The following SPAG1 variants were observed in gnomAD, a reference collection of about 807,000 sequenced individuals.
The protein encoded by SPAG1 is sperm associated antigen 1.
In SPAG1, 69 loss-of-function variants were observed where a neutral mutation model predicts 100.5. The observed-to-expected ratio is 0.69, with a 90% confidence interval of 0.57 to 0.84. SPAG1 has a LOEUF of 0.84. Ranked by LOEUF, SPAG1 falls within the 40% of genes least tolerant of loss-of-function variation. SPAG1 has a pLI of 0.00. For missense variants in SPAG1, 955 were observed against 1,133.1 expected (o/e 0.84, Z 2.26); for synonymous variants, 336 against 411.6 (o/e 0.82, Z 2.22).
intron 3 of SPAG1, among the ~76,000 whole-genome samples, chr8:100,168,421 C>G (rs1397734849): frequency 6.6e-6 from 1 of 151,976 alleles, no homozygotes; most frequent in Non-Finnish European, 1.5e-5. Context: ...TTATCAGATA[C>G]GTTGCTTTTT....
intron 2 of SPAG1, among the ~76,000 whole-genome samples, chr8:100,162,841 G>A (rs897751269): frequency 2.0e-5 from 3 of 152,184 alleles, no homozygotes; most frequent in Non-Finnish European, 4.4e-5. Flanking sequence ...ACCTTGGCCT[G>A]TAGTCCCAGC....
intron 16 of SPAG1, among the ~76,000 whole-genome samples, chr8:100,235,295 C>T (rs1264724552): frequency 4.6e-5 from 7 of 152,098 alleles, no homozygotes; most frequent in Admixed American, 4.6e-4. Context: ...CTTTAAAGGC[C>T]CTGTCTCCAA....
chr8:100,212,834 A>T (rs1263222972), intron 10 of SPAG1, among the ~76,000 whole-genome samples: 1 of 152,236 alleles, frequency 6.6e-6, no homozygotes, highest in Non-Finnish European at 1.5e-5. Context: ...GCGCTTAAAC[A>T]GTTAGAGACA....
chr8:100,221,468 T>A (rs550788015), intron 13 of SPAG1, among the ~76,000 whole-genome samples: 9 of 152,242 alleles, frequency 5.9e-5, no homozygotes, highest in Non-Finnish European at 1.3e-4. Context: ...ATAACATTTC[T>A]AGTTATGTAT....
intron 15 of SPAG1, 53 bp from the exon 16 acceptor site, chr8:100,233,356 TAC>T (rs1245504612): frequency 1.3e-4 from 202 of 1,600,794 alleles, no homozygotes; most frequent in Non-Finnish European, 1.6e-4. Context: ...GTCTAAAACT[TAC>T]AGATAGCCAA....
At position 100,234,709 on chromosome 8, in the gene SPAG1, T is replaced by G. The variant is rs115544197; in HGVS notation, c.2115+1172T>G. On this transcript the variant is annotated intron_variant, in intron 16 of 18. Coordinates refer to ENST00000388798, the MANE Select transcript of SPAG1 (RefSeq NM_003114.5). Reference sequence around the variant, plus strand: ...GAATAAGGCTGCTGTGACATTCTTGTGTACATTTTTAATGGATGGACTTGT... The same window carrying G: ...GAATAAGGCTGCTGTGACATTCTTGGGTACATTTTTAATGGATGGACTTGT... 6.5e-3 allele frequency among the ~76,000 whole-genome samples: 992 copies of G among 152,362 alleles called. 6 individuals carry two copies. The highest frequency in any genetic ancestry group is 0.022 in the African/African-American group (934 of 41,580).
chr8:100,165,969 T>C lies in SPAG1; in HGVS notation c.296T>C (p.Ile99Thr), dbSNP rs766347017. Residue 99 changes from isoleucine to threonine, a missense_variant, in exon 3 of 19, where the codon ATA (isoleucine) becomes ACA (threonine). Physicochemically the swap from Ile to Thr is moderately conservative, Grantham distance 89. Coordinates refer to ENST00000388798, the MANE Select transcript of SPAG1 (RefSeq NM_003114.5). ...AEEWEKIDGD[I>T]KSWVSEIKKE... ...GAATGGGAAAAAATTGATGGTGATA[T>C]AAAGGTATATAGTAATACCAATTTT... 2.5e-6 allele frequency: 4 copies of C among 1,611,984 alleles called. No individual in the cohort carries two copies. In the South Asian group the frequency reaches 4.4e-5, roughly 18 times the overall value.
chr8:100,206,607 G>A (rs1233925682), intron 10 of SPAG1, among the ~76,000 whole-genome samples: 1 of 151,970 alleles, frequency 6.6e-6, no homozygotes, highest in African/African-American at 2.4e-5. Flanking sequence ...CCTGGGTTCC[G>A]GTGGTATGGG....
At position 100,220,302 on chromosome 8, in the gene SPAG1, C is replaced by G. The variant is rs1818204833; in HGVS notation, c.1559C>G (p.Ser520Cys). 1 of 1,612,520 alleles carries G rather than the reference C, an allele frequency of 6.2e-7. No homozygotes were observed. Among genetic ancestry groups the G allele is most frequent in the African/African-American group, 1.3e-5 (1 of 74,814 alleles). ...AGGGCTCTGGAACTTCATCCATTCT[C>G]TATGAAACCTCTTCTGAGGCGGGCG... is the stretch of plus-strand genomic sequence containing the variant. ...CNRALELHPF[S>C]MKPLLRRAMA... The change falls in exon 13 of 19, where the codon TCT (serine) becomes TGT (cysteine). Residue 520 changes from serine to cysteine, a missense_variant. By Grantham distance (112) the Ser-to-Cys change is moderately radical. Coordinates refer to ENST00000388798, the MANE Select transcript of SPAG1 (RefSeq NM_003114.5).
At chr8:100,176,828 C>CCTCTCCT (rs1816143981) in intron 3 of SPAG1, among the ~76,000 whole-genome samples, 2 of 148,526 alleles carry the variant, frequency 1.3e-5, no homozygotes, top group African/African-American at 2.5e-5. Flanking sequence ...CCTCTCCTCT[C>CCTCTCCT]CTCTCCTCTC....
intron 3 of SPAG1, among the ~76,000 whole-genome samples, chr8:100,172,230 T>C (rs912572430): frequency 1.3e-5 from 2 of 152,204 alleles, no homozygotes; most frequent in African/African-American, 4.8e-5. Context: ...TTAAGAACTT[T>C]TCATTGGCTT....
intron 11 of SPAG1, 62 bp downstream of exon 11, chr8:100,213,490 G>C: frequency 7.9e-7 from 1 of 1,260,718 alleles, no homozygotes; most frequent in Non-Finnish European, 1.0e-6. Context: ...CCGACCTCCG[G>C]GGCCCCCGTG....
In SPAG1 at chr8:100,213,981, A is replaced by G; in HGVS notation, c.1535+63A>G. The G allele has an allele frequency of 3.3e-6, 3 of 910,074 alleles. No individual in the cohort carries two copies. In the South Asian group the frequency reaches 5.0e-5, roughly 15 times the overall value. The allele number at this position is 910,074 out of a possible 1,614,324, so 56.4% of individuals were successfully genotyped here. On this transcript the variant is annotated intron_variant, in intron 12 of 18. Transcript: ENST00000388798. Reference sequence around the variant, plus strand: ...ATAATTTCATTATGGTGAATGCAATATCCAAGATCCTAAATTTTCTGCCTA... The same window carrying G: ...ATAATTTCATTATGGTGAATGCAATGTCCAAGATCCTAAATTTTCTGCCTA...
chr8:100,176,562 A>G (rs897963972), intron 3 of SPAG1, among the ~76,000 whole-genome samples: 2 of 151,798 alleles, frequency 1.3e-5, no homozygotes, highest in Non-Finnish European at 2.9e-5. Flanking sequence ...ACGGGGTTTC[A>G]CCATGTTGGC....
At chr8:100,160,844 A>T (rs550075751) in intron 1 of SPAG1, among the ~76,000 whole-genome samples, 6 of 152,296 alleles carry the variant, frequency 3.9e-5, no homozygotes, top group Non-Finnish European at 7.4e-5. Flanking sequence ...ACATTAAAAA[A>T]TCTTAAAAAG....
Position 100,184,617 on chromosome 8 carries a change from T to C in SPAG1, c.596-11T>C. The C allele has an allele frequency of 6.7e-7, 1 of 1,490,416 alleles. No individual in the cohort carries two copies. The highest frequency in any genetic ancestry group is 9.1e-7 in the Non-Finnish European group (1 of 1,103,934). 92.3% of individuals were successfully genotyped at this position (1,490,416 alleles called of 1,614,324 possible). A position where few individuals can be genotyped will look rare whatever the true frequency, so the allele number is the denominator to read the frequency against. ...ATACGTTTACATATAGCAGATAACA[T>C]TTATTTCTAGGTCTAACTGAGAAAG... On this transcript the variant is annotated splice_polypyrimidine_tract_variant and intron_variant, in intron 6 of 18. Coordinates refer to ENST00000388798, the MANE Select transcript of SPAG1 (RefSeq NM_003114.5).
At position 100,183,951 on chromosome 8, in the gene SPAG1, T is replaced by G. The variant is rs1816476305; in HGVS notation, c.489-5T>G. The G allele has an allele frequency of 6.9e-7, 1 of 1,445,918 alleles. No individual in the cohort carries two copies. The highest frequency in any genetic ancestry group is 9.4e-7 in the Non-Finnish European group (1 of 1,064,292). 89.6% of individuals were successfully genotyped at this position (1,445,918 alleles called of 1,614,324 possible). ...TTTTTGGTTTTTATTGTTCTTTCAT[T>G]TAAGATTTGACGTGGAGAAGGAATG... On this transcript the variant is annotated splice_polypyrimidine_tract_variant and splice_region_variant and intron_variant, in intron 5 of 18. Transcript: ENST00000388798.
At chr8:100,159,565 G>C (rs1203966931) in intron 1 of SPAG1, among the ~76,000 whole-genome samples, 1 of 152,018 alleles carries the variant, frequency 6.6e-6, no homozygotes, top group Non-Finnish European at 1.5e-5. Flanking sequence ...AAGTACAGTG[G>C]GTTTTCTTTA....
intron 14 of SPAG1, among the ~76,000 whole-genome samples, chr8:100,229,572 C>T (rs1818673804): frequency 6.6e-6 from 1 of 152,220 alleles, no homozygotes; most frequent in African/African-American, 2.4e-5. Context: ...GGAAACACCC[C>T]ACGCACTGAA....
Sources: gnomAD v4.1 joint callset for allele counts (sites outside exome capture counted in the v4.1 genomes callset) on GRCh38, gnomAD v4.1.1 for gene constraint, MANE v1.5 for transcripts, NCBI Gene and HGNC (gene_info 2026-07-23, HGNC 2026-07-21) for gene names.